The following POC5 variants were observed in gnomAD, a reference collection of about 807,000 sequenced individuals.
POC5 encodes the protein POC5 centriolar protein.
A neutral mutation model predicts 62.9 loss-of-function variants in POC5; 48 were observed. The observed-to-expected ratio is 0.76, with a 90% confidence interval of 0.61 to 0.97. The LOEUF (loss-of-function observed/expected upper bound fraction) is 0.97. Among genes scored for constraint, POC5 ranks in the 50% least tolerant of loss-of-function variants. The pLI is 0.00. For missense variants in POC5, 696 were observed against 679.5 expected, an observed-to-expected ratio of 1.02 and a Z score of -0.27; for synonymous variants, 236 against 228.2, an observed-to-expected ratio of 1.03 and a Z score of -0.31.
chr5:75,694,651 A>G lies in POC5; in HGVS notation c.690+4T>C, dbSNP rs769127199. The G allele has an allele frequency of 6.0e-6, 9 of 1,495,424 alleles. No individual in the cohort carries two copies. In the African/African-American group the frequency reaches 1.0e-4, roughly 17 times the overall value. The allele number at this position is 1,495,424 out of a possible 1,614,324, so 92.6% of individuals were successfully genotyped here. On this transcript the variant is annotated splice_donor_region_variant and intron_variant, in intron 6 of 11. Coordinates refer to ENST00000428202, the MANE Select transcript of POC5 (RefSeq NM_001099271.2). ...CAGTTAAAAAGAAATATAAAAAAGA[A>G]GACCTCATCTTTTCTCCCAATGGAG...
chr5:75,680,940 C>T (rs1775848051), intron 10 of POC5, among the ~76,000 whole-genome samples: 1 of 152,104 alleles, frequency 6.6e-6, no homozygotes, highest in Non-Finnish European at 1.5e-5. Flanking sequence ...GTATCATTCT[C>T]TGCAAATTAA....
chr5:75,713,775 T>G (rs1561485514), intron 1 of POC5, among the ~76,000 whole-genome samples: 1 of 152,166 alleles, frequency 6.6e-6, no homozygotes, highest in Non-Finnish European at 1.5e-5. Flanking sequence ...GATGAGTAGG[T>G]CTCATCCTGA....
chr5:75,680,963 T>C (rs1775848808), intron 10 of POC5, among the ~76,000 whole-genome samples: 2 of 152,126 alleles, frequency 1.3e-5, no homozygotes, highest in Admixed American at 1.3e-4. Context: ...GACCACTTAC[T>C]GGTACCAATC....
intron 8 of POC5, chr5:75,689,384 A>G (rs1465163844): frequency 1.0e-6 from 1 of 985,182 alleles, no homozygotes; most frequent in Non-Finnish European, 1.2e-6. Flanking sequence ...TCAAGGTTCA[A>G]ACAAGGGGAA....
In POC5 at chr5:75,684,363, A is replaced by ATTTTTTTTTT. The variant is rs749361349; in HGVS notation, c.1407+834_1407+843dup. ...AAATTAAATCTACTTTTCCTACATA[A>ATTTTTTTTTT]TTTTTTTTTTTTTTTTTTTGCGACG... On this transcript the variant is annotated intron_variant, in intron 10 of 11. Transcript: ENST00000428202. Among the ~76,000 whole-genome samples the ATTTTTTTTTT allele has an allele frequency of 5.7e-4, 75 of 132,698 alleles. 3 individuals carry two copies. The highest frequency in any genetic ancestry group is 1.8e-3 in the African/African-American group (64 of 35,520). 87.1% of individuals were successfully genotyped at this position (132,698 alleles called of 152,430 possible).
At chr5:75,675,470 ATT>A (rs1775616048) in intron 11 of POC5, among the ~76,000 whole-genome samples, 1 of 152,248 alleles carries the variant, frequency 6.6e-6, no homozygotes, top group African/African-American at 2.4e-5. Flanking sequence ...TTCACTATGT[ATT>A]TAAAAAACTC....
intron 5 of POC5, among the ~76,000 whole-genome samples, chr5:75,699,766 G>A (rs754164172): frequency 3.0e-4 from 44 of 145,934 alleles, no homozygotes; most frequent in Admixed American, 8.3e-4. Context: ...TAGGAAAAGA[G>A]GAAGTCAAAT....
At chr5:75,690,826 A>G (rs1776301594) in intron 7 of POC5, among the ~76,000 whole-genome samples, 1 of 152,218 alleles carries the variant, frequency 6.6e-6, no homozygotes, top group South Asian at 2.1e-4. Context: ...TTATGCAACT[A>G]ATCAAGTTAG....
intron 1 of POC5, among the ~76,000 whole-genome samples, chr5:75,715,235 G>A (rs1025426670): frequency 6.6e-6 from 1 of 151,308 alleles, no homozygotes; most frequent in African/African-American, 2.4e-5. Flanking sequence ...GCGTGAACCC[G>A]GGAGGCGGAG....
rs146700488 is a variant in POC5, at chr5:75,677,891, C to T, written c.1467G>A (p.Arg489=). 2.9e-5 allele frequency: 47 copies of T among 1,611,588 alleles called. No homozygotes were observed. In the African/African-American group the frequency reaches 5.9e-4, roughly 20 times the overall value. The change falls in exon 11 of 12, where the codon CGG becomes CGA. Residue 489 remains arginine, a synonymous_variant. Transcript: ENST00000428202. ...QQKAGRTITA[R]ITGRCDFASK... is the part of the protein sequence containing the mutation. ...AAGCAAAATCACATCTTCCTGTGAT[C>T]CGGGCTGTAATAGTTCTTCCTGCTT...
At chr5:75,696,021 G>C (rs540993915) in intron 5 of POC5, 1 of 152,756 alleles carries the variant, frequency 6.5e-6, no homozygotes, top group Non-Finnish European at 1.5e-5. Flanking sequence ...AAAAAACGGC[G>C]CAACAGAAGA....
chr5:75,704,997 T>A lies in POC5; in HGVS notation c.307+707A>T, dbSNP rs189943946. On this transcript the variant is annotated intron_variant, in intron 4 of 11. Coordinates refer to ENST00000428202, the MANE Select transcript of POC5 (RefSeq NM_001099271.2). The stretch of plus-strand genomic sequence containing the variant: ...AGTGGATCACTTGATCTTAGGAGTT[T>A]GAGACCAGCCTGGGCAACATAGTGA... Among the ~76,000 whole-genome samples, 330 of 152,258 alleles carry A rather than the reference T, an allele frequency of 2.2e-3. 2 individuals carry two copies. Among genetic ancestry groups the A allele is most frequent in the Non-Finnish European group, 3.7e-3 (253 of 68,008 alleles).
intron 2 of POC5, among the ~76,000 whole-genome samples, chr5:75,711,942 A>G (rs1777360553): frequency 6.6e-6 from 1 of 152,210 alleles, no homozygotes; most frequent in Non-Finnish European, 1.5e-5. Flanking sequence ...ACAGCGATGA[A>G]GGGTGGAGGA....
chr5:75,676,352 C>T (rs959282237), intron 11 of POC5, among the ~76,000 whole-genome samples: 12 of 152,158 alleles, frequency 7.9e-5, no homozygotes, highest in African/African-American at 2.9e-4. Context: ...TACGAACTTT[C>T]AGAGTCTGTC....
chr5:75,689,303 A>C (rs918248084), intron 8 of POC5, 138 bp from the exon 9 acceptor site: 1 of 1,319,080 alleles, frequency 7.6e-7, no homozygotes, highest in African/African-American at 1.5e-5. Context: ...GCTATGTGCA[A>C]TTTATTTTAA....
At chr5:75,715,226 C>CGTG (rs960192763) in intron 1 of POC5, among the ~76,000 whole-genome samples, 4 of 146,876 alleles carry the variant, frequency 2.7e-5, no homozygotes, top group Non-Finnish European at 5.9e-5. Flanking sequence ...AGGAGAATGG[C>CGTG]GTGAACCCGG....
chr5:75,707,222 T>G (rs1400071921), intron 3 of POC5, among the ~76,000 whole-genome samples: 1 of 152,200 alleles, frequency 6.6e-6, no homozygotes, highest in Non-Finnish European at 1.5e-5. Flanking sequence ...TCAACACACA[T>G]CCTGGTTTAT....
At chr5:75,699,780 C>A (rs981309249) in intron 5 of POC5, among the ~76,000 whole-genome samples, 19 of 143,516 alleles carry the variant, frequency 1.3e-4, no homozygotes, top group Non-Finnish European at 2.2e-4. Context: ...GTCAAATTCT[C>A]CCTGTTTGCA....
chr5:75,692,607 T>C (rs1661505891), intron 6 of POC5, 107 bp from the exon 7 acceptor site: 2 of 615,154 alleles, frequency 3.3e-6, no homozygotes, highest in Non-Finnish European at 5.2e-6. Flanking sequence ...TATGGATCAC[T>C]ACTATATTCA....
Sources: allele counts gnomAD v4.1 joint callset (sites outside exome capture counted in the v4.1 genomes callset), GRCh38; gene constraint gnomAD v4.1.1; transcripts MANE v1.5; gene names NCBI Gene and HGNC (gene_info 2026-07-23, HGNC 2026-07-21).